Variants in RHBDD3 observed in about 807,000 individuals in gnomAD.
The protein encoded by RHBDD3 is rhomboid domain containing 3.
Under a neutral mutation model 32.3 loss-of-function variants are expected in RHBDD3, and 34 were observed. The observed-to-expected ratio is 1.05, with a 90% CI of 0.80 to 1.40. The LOEUF (loss-of-function observed/expected upper bound fraction) is 1.40. RHBDD3 is among the 40% of genes most tolerant of loss of function. RHBDD3 has a pLI of 0.00. For missense variants in RHBDD3, 482 were observed against 492.6 expected (o/e 0.98, Z 0.20); for synonymous variants, 249 against 239.1 (o/e 1.04, Z -0.38).
chr22:29,268,080 C>A (rs1467525447), upstream of RHBDD3: 2 of 587,470 alleles, frequency 3.4e-6, no homozygotes, highest in Middle Eastern at 9.1e-4. Flanking sequence ...CACGCTGAGA[C>A]CCGCTCACCC....
Position 29,260,330 on chromosome 22 carries a change from G to C in RHBDD3, c.979C>G (p.Leu327Val), listed in dbSNP as rs1390565305. 2 of 1,608,288 alleles carry C rather than the reference G, an allele frequency of 1.2e-6. No individual in the cohort carries two copies. Among genetic ancestry groups the C allele is most frequent in the African/African-American group, 2.7e-5 (2 of 74,870 alleles). ...PWLSKSSVSS[L>V]RLQQLERMGF... ...CCTCTGCCCACCCCACCTTACCGCAGAGAGGAGACAGAGGACTTGGACAGC... is the reference window on the plus strand; with the variant it reads ...CCTCTGCCCACCCCACCTTACCGCACAGAGGAGACAGAGGACTTGGACAGC... Residue 327 changes from leucine (L) to valine (V), a missense_variant, in exon 6 of 7, where the codon CTG becomes GTG. Coordinates refer to ENST00000216085, the MANE Select transcript of RHBDD3 (RefSeq NM_012265.3).
chr22:29,263,191 C>T (rs1221401560), intron 4 of RHBDD3, among the ~76,000 whole-genome samples: 1 of 152,230 alleles, frequency 6.6e-6, no homozygotes, highest in Non-Finnish European at 1.5e-5. Context: ...ATTACAGGTG[C>T]ACGCCACCAC....
intron 2 of RHBDD3, among the ~76,000 whole-genome samples, chr22:29,266,665 A>G (rs1464549519): frequency 1.3e-5 from 2 of 152,154 alleles, no homozygotes; most frequent in East Asian, 1.9e-4. Flanking sequence ...TCTTGCATCC[A>G]GCCTGTCCTC....
chr22:29,262,800 G>C (rs1307024029), intron 4 of RHBDD3, among the ~76,000 whole-genome samples: 2 of 149,340 alleles, frequency 1.3e-5, no homozygotes, highest in Non-Finnish European at 3.0e-5. Context: ...TCTGCCTCTC[G>C]GATTCAAGCA....
chr22:29,265,505 G>A lies in RHBDD3; in HGVS notation c.122C>T (p.Pro41Leu), dbSNP rs749115842. ...CTGCCAGGGGTCCAGCAACAGCTCC[G>A]GGGCCAGGACCAGGCCGGGGCCGGC... The part of the protein sequence containing the change: ...VGAGPGLVLA[P>L]ELLLDPWQVH... Residue 41 changes from proline (P) to leucine (L), a missense_variant, in exon 3 of 7, where the codon CCG becomes CTG. By Grantham distance (98) the Pro-to-Leu change is moderately conservative. Transcript: ENST00000216085. 4.2e-5 allele frequency: 65 copies of A among 1,547,488 alleles called. No homozygotes were observed. Among genetic ancestry groups the A allele is most frequent in the Admixed American group, 1.3e-4 (6 of 45,324 alleles).
rs1262013414 is a variant in RHBDD3, at chr22:29,260,173, C to T, written c.1048G>A (p.Gly350Ser). 1 of 1,589,916 alleles carries T rather than the reference C, an allele frequency of 6.3e-7. No individual in the cohort carries two copies. Among genetic ancestry groups the T allele is most frequent in the Admixed American group, 1.8e-5 (1 of 56,378 alleles). ...EQAVVALAAT[G>S]RVEGAVSLLV... Reference sequence around the variant, plus strand: ...AGTGACACGGCACCCTCCACACGGCCTGTGGCTGCCAGTGCCACCACCGCC... The same window carrying T: ...AGTGACACGGCACCCTCCACACGGCTTGTGGCTGCCAGTGCCACCACCGCC... The change falls in exon 7 of 7, where the codon GGC becomes AGC. Residue 350 changes from glycine to serine, a missense_variant. Gly to Ser is a moderately conservative substitution (Grantham distance 56). Transcript: ENST00000216085.
intron 4 of RHBDD3, among the ~76,000 whole-genome samples, chr22:29,262,474 TA>T (rs1455944170): frequency 1.3e-5 from 2 of 152,182 alleles, no homozygotes; most frequent in African/African-American, 4.8e-5. Flanking sequence ...TTGAAAAGTG[TA>T]AGTCTTCCAG....
At chr22:29,266,495 A>C (rs775315416) in intron 2 of RHBDD3, among the ~76,000 whole-genome samples, 15 of 152,258 alleles carry the variant, frequency 9.9e-5, no homozygotes, top group African/African-American at 1.4e-4. Context: ...AAACCATAGC[A>C]ATCCGCACTA....
chr22:29,260,880 A>G lies in RHBDD3; in HGVS notation c.533-16T>C. The G allele has an allele frequency of 6.5e-7, 1 of 1,543,400 alleles. No homozygotes were observed. Among genetic ancestry groups the G allele is most frequent in the African/African-American group, 1.4e-5 (1 of 73,098 alleles). ...CCAGCTGCATCTGTCTGCCCGGGGC[A>G]GGGCGGCCGGTCAAGGAAAACCAAA... On this transcript the variant is annotated splice_polypyrimidine_tract_variant and intron_variant, in intron 4 of 6. Coordinates refer to ENST00000216085, the MANE Select transcript of RHBDD3 (RefSeq NM_012265.3).
At chr22:29,265,275 T>A (rs755962124) in intron 3 of RHBDD3, 2 of 436,144 alleles carry the variant, frequency 4.6e-6, no homozygotes, top group Non-Finnish European at 8.1e-6. Flanking sequence ...TACCCATAGG[T>A]TCCAGCCCAC....
At chr22:29,263,182 T>G (rs1183071583) in intron 4 of RHBDD3, among the ~76,000 whole-genome samples, 1 of 152,090 alleles carries the variant, frequency 6.6e-6, no homozygotes, top group Admixed American at 6.5e-5. Flanking sequence ...GTAGCTGGGA[T>G]TACAGGTGCA....
At chr22:29,261,306 A>G (rs2058115991) in intron 4 of RHBDD3, 1 of 475,152 alleles carries the variant, frequency 2.1e-6, no homozygotes, top group Non-Finnish European at 4.3e-6. Flanking sequence ...GGTATGAATC[A>G]TCTTAGGGCT....
At position 29,260,308 on chromosome 22, in the gene RHBDD3, CTGCCCACCCCACCTT is replaced by C; in HGVS notation, c.983+3_983+17del. On this transcript the variant is annotated splice_donor_5th_base_variant and intron_variant, in intron 6 of 6. Transcript: ENST00000216085. The stretch of plus-strand genomic sequence containing the variant: ...GCCCCTATACCAGGGGACCCCACCT[CTGCCCACCCCACCTT>C]ACCGCAGAGAGGAGACAGAGGACTT... The C allele has an allele frequency of 6.2e-7, 1 of 1,606,310 alleles. No individual in the cohort carries two copies. The highest frequency in any genetic ancestry group is 8.5e-7 in the Non-Finnish European group (1 of 1,175,874).
chr22:29,262,617 GATC>G (rs1377102674), intron 4 of RHBDD3, among the ~76,000 whole-genome samples: 1 of 152,188 alleles, frequency 6.6e-6, no homozygotes, highest in Non-Finnish European at 1.5e-5. Context: ...AATTGTGTGG[GATC>G]TATAAATCAA....
In RHBDD3 at chr22:29,260,484, C is replaced by T. The variant is rs1411902360; in HGVS notation, c.825G>A (p.Leu275=). Residue 275 remains leucine, a synonymous_variant, in exon 6 of 7, where the codon CTG becomes CTA. Transcript: ENST00000216085. The part of the protein sequence containing the change: ...PTWEGSSEAG[L]DWAGASFSPG... ...GGGAGAAGCTGGCCCCAGCCCAGTCCAGGCCTGCCTCTGAGGAGCCCTCCC... is the reference window on the plus strand; with the variant it reads ...GGGAGAAGCTGGCCCCAGCCCAGTCTAGGCCTGCCTCTGAGGAGCCCTCCC... 2 of 1,605,606 alleles carry T rather than the reference C, an allele frequency of 1.2e-6. No individual in the cohort carries two copies. Among genetic ancestry groups the T allele is most frequent in the South Asian group, 2.2e-5 (2 of 89,756 alleles).
In RHBDD3 at chr22:29,263,990, A is replaced by C; in HGVS notation, c.377T>G (p.Leu126Arg). Residue 126 changes from leucine (L) to arginine (R), a missense_variant, in exon 4 of 7, where the codon CTG becomes CGG. By Grantham distance (102) the Leu-to-Arg change is moderately radical (BLOSUM62 -2). Transcript: ENST00000216085. Reference sequence around the variant, plus strand: ...GTGTCCCTCCCCAGCCAGCATGGCCAGGTGGACAGGCATGTATCCACAGCT... The same window carrying C: ...GTGTCCCTCCCCAGCCAGCATGGCCCGGTGGACAGGCATGTATCCACAGCT... ...AGSCGYMPVH[L>R]AMLAGEGHRP... 1.3e-6 allele frequency: 2 copies of C among 1,552,222 alleles called. No individual in the cohort carries two copies. The highest frequency in any genetic ancestry group is 1.7e-6 in the Non-Finnish European group (2 of 1,147,842).
At chr22:29,265,133 G>A (rs772384588) in intron 3 of RHBDD3, 10 of 178,540 alleles carry the variant, frequency 5.6e-5, no homozygotes, top group African/African-American at 1.2e-4. Context: ...GGCTGGTCTC[G>A]AACTCCTGAC....
rs1211641440 is a variant in RHBDD3 at position 29,267,768 on chromosome 22, C to T, written c.-215G>A. 2 of 175,264 alleles carry T rather than the reference C, an allele frequency of 1.1e-5. No homozygotes were observed. Among genetic ancestry groups the T allele is most frequent in the Admixed American group, 1.2e-4 (2 of 16,252 alleles). The allele number at this position is 175,264 out of a possible 1,614,324, so 10.9% of individuals were successfully genotyped here. On this transcript the variant is annotated 5_prime_UTR_variant, in exon 1 of 7. Transcript: ENST00000216085. Reference sequence around the variant, plus strand: ...CTCACTGCAGAGCGCGCCCGGCAACCCCGAAAGGCCGGTCGGGGACCCCGG... The same window carrying T: ...CTCACTGCAGAGCGCGCCCGGCAACTCCGAAAGGCCGGTCGGGGACCCCGG...
chr22:29,261,285 T>C (rs2058115468), intron 4 of RHBDD3: 1 of 480,474 alleles, frequency 2.1e-6, no homozygotes, highest in Non-Finnish European at 4.3e-6. Context: ...GTGGCACTGT[T>C]TTCCCCGATA....
Sources: gnomAD v4.1 joint callset for allele counts (sites outside exome capture counted in the v4.1 genomes callset) on GRCh38, gnomAD v4.1.1 for gene constraint, MANE v1.5 for transcripts, NCBI Gene and HGNC (gene_info 2026-07-23, HGNC 2026-07-21) for gene names.